The following ACCSL variants were observed in gnomAD, a reference collection of about 807,000 sequenced individuals.
ACCSL encodes probable inactive 1-aminocyclopropane-1-carboxylate synthase-like protein 2.
In ACCSL, 55 loss-of-function variants were observed where a neutral mutation model predicts 61.7. That is an observed-to-expected ratio of 0.89 (90% confidence interval 0.72 to 1.12). ACCSL has a LOEUF of 1.12. Among genes scored for constraint, ACCSL ranks in the 50% most tolerant of loss-of-function variants. ACCSL has a pLI of 0.00. For synonymous variants in ACCSL, 258 were observed against 264.3 expected (o/e 0.98, Z 0.23); for missense variants, 632 against 698.0 (o/e 0.91, Z 1.07).
At chr11:43,947,755 GAGA>G in the ACCSL span, among the ~76,000 whole-genome samples, 1 of 28,208 alleles carries the variant, frequency 3.5e-5, no homozygotes, top group Admixed American at 2.6e-4. Context: ...GAGAGAGAGA[GAGA>G]GAGAGAGGGA....
At chr11:43,971,985 T>A in the ACCSL span, among the ~76,000 whole-genome samples, 1 of 152,224 alleles carries the variant, frequency 6.6e-6, no homozygotes, top group African/African-American at 2.4e-5. Context: ...TATTAGTCAT[T>A]TTATGTCTGT....
At chr11:43,996,882 G>A in the ACCSL span, among the ~76,000 whole-genome samples, 1 of 150,048 alleles carries the variant, frequency 6.7e-6, no homozygotes, top group South Asian at 2.1e-4. Flanking sequence ...GTGTACACTC[G>A]GCTCACTGCA....
chr11:43,967,093 G>A, the ACCSL span, among the ~76,000 whole-genome samples: 1 of 148,042 alleles, frequency 6.8e-6, no homozygotes, highest in African/African-American at 2.5e-5. Flanking sequence ...CCTTCCAAAT[G>A]CATCTTCATT....
the ACCSL span, among the ~76,000 whole-genome samples, chr11:44,028,419 C>A: frequency 6.6e-6 from 1 of 152,006 alleles, no homozygotes; most frequent in African/African-American, 2.4e-5. Flanking sequence ...GTATGGTGGC[C>A]ACCAGCCACA....
chr11:44,059,788 G>A, intron 13 of ACCSL, 50 bp from the exon 14 acceptor site: 1 of 1,555,150 alleles, frequency 6.4e-7, no homozygotes, highest in Non-Finnish European at 8.8e-7. Context: ...GGACCCACCA[G>A]CAAACCTACT....
chr11:44,028,908 T>C, the ACCSL span, among the ~76,000 whole-genome samples: 1 of 152,238 alleles, frequency 6.6e-6, no homozygotes, highest in African/African-American at 2.4e-5. Flanking sequence ...GGAATAAGTT[T>C]GGAATGGATG....
chr11:44,021,660 A>G, the ACCSL span, among the ~76,000 whole-genome samples: 2 of 151,918 alleles, frequency 1.3e-5, no homozygotes, highest in Non-Finnish European at 2.9e-5. Flanking sequence ...TGTTGCATTT[A>G]CTTTTGGGTT....
intron 3 of ACCSL, 85 bp downstream of exon 3, chr11:44,050,707 G>T: frequency 1.5e-6 from 2 of 1,324,296 alleles, no homozygotes; most frequent in Non-Finnish European, 2.1e-6. Context: ...CCAAATTCCT[G>T]GTTGGTTACC....
the ACCSL span, among the ~76,000 whole-genome samples, chr11:43,979,647 G>T: frequency 1.3e-5 from 2 of 151,952 alleles, no homozygotes; most frequent in African/African-American, 4.8e-5. Flanking sequence ...CACATGCTTC[G>T]TTTCTAATTA....
At chr11:44,024,253 A>G in the ACCSL span, among the ~76,000 whole-genome samples, 1 of 152,152 alleles carries the variant, frequency 6.6e-6, no homozygotes, top group Admixed American at 6.5e-5. Flanking sequence ...ACTGGGATAT[A>G]CATCACTGGC....
the ACCSL span, among the ~76,000 whole-genome samples, chr11:43,978,798 T>TTTG: frequency 6.8e-6 from 1 of 146,350 alleles, no homozygotes; most frequent in Non-Finnish European, 1.5e-5. Context: ...TTTTTTTTTT[T>TTTG]TTTTTTTTTT....
At chr11:43,994,434 A>G in the ACCSL span, among the ~76,000 whole-genome samples, 1 of 152,176 alleles carries the variant, frequency 6.6e-6, no homozygotes, top group Non-Finnish European at 1.5e-5. Flanking sequence ...ATTATTCAAT[A>G]GGGTTGGAAT....
At chr11:43,926,344 C>T in the ACCSL span, 11 of 305,224 alleles carry the variant, frequency 3.6e-5, no homozygotes, top group South Asian at 3.0e-4. Context: ...CCCTTGGGGT[C>T]AGTTCTTGAC....
chr11:44,051,779 C>T, intron 5 of ACCSL, 60 bp downstream of exon 5: 2 of 1,594,212 alleles, frequency 1.3e-6, no homozygotes, highest in Non-Finnish European at 1.7e-6. Flanking sequence ...GGTAGGAACA[C>T]ACGGGCACTG....
chr11:44,001,845 C>T, the ACCSL span, among the ~76,000 whole-genome samples: 72 of 145,042 alleles, frequency 5.0e-4, 1 homozygote, highest in African/African-American at 1.8e-3. Context: ...GGTGGGGCTC[C>T]CCGACAGGCT....
chr11:44,002,527 C>T, the ACCSL span, among the ~76,000 whole-genome samples: 1 of 152,160 alleles, frequency 6.6e-6, no homozygotes, highest in Non-Finnish European at 1.5e-5. Flanking sequence ...TCATCCCTGG[C>T]AACCAACTCA....
At chr11:43,994,455 T>A in the ACCSL span, among the ~76,000 whole-genome samples, 1 of 152,210 alleles carries the variant, frequency 6.6e-6, no homozygotes, top group South Asian at 2.1e-4. Context: ...GTCCATGACT[T>A]AAGTATAAAT....
the ACCSL span, among the ~76,000 whole-genome samples, chr11:44,001,775 C>CTGTGTGTGTGTGTGTGTGTGTGTG: frequency 1.0e-5 from 1 of 96,768 alleles, no homozygotes; most frequent in African/African-American, 4.3e-5. Flanking sequence ...GGTAAAGGGG[C>CTGTGTGTGTGTGTGTGTGTGTGTG]TGTGTGTGTG....
At chr11:44,039,797 G>C in the ACCSL span, among the ~76,000 whole-genome samples, 3 of 152,192 alleles carry the variant, frequency 2.0e-5, no homozygotes, top group Non-Finnish European at 4.4e-5. Flanking sequence ...GAGTATTCTG[G>C]GGCTACAGGC....
Sources: gnomAD v4.1 joint callset for allele counts (sites outside exome capture counted in the v4.1 genomes callset) on GRCh38, gnomAD v4.1.1 for gene constraint, MANE v1.5 for transcripts, NCBI Gene and HGNC (gene_info 2026-07-23, HGNC 2026-07-21) for gene names.